The following OAF variants were observed in gnomAD, a reference collection of about 807,000 sequenced individuals.
OAF encodes the protein out at first protein homolog.
In OAF, 13 loss-of-function variants were observed where a neutral mutation model predicts 22.5. The observed-to-expected ratio is 0.58, with a 90% CI of 0.38 to 0.92. The LOEUF is 0.92. Ranked by LOEUF, OAF falls within the 40% of genes least tolerant of loss-of-function variation. OAF has a pLI of 0.00. For synonymous variants in OAF, 175 were observed against 170.5 expected (o/e 1.03, Z -0.21); for missense variants, 347 against 381.8 (o/e 0.91, Z 0.76).
At position 120,224,583 on chromosome 11, in the gene OAF, G is replaced by A. The variant is rs114567578; in HGVS notation, c.232-1078G>A. On this transcript the variant is annotated intron_variant, in intron 1 of 3. Coordinates refer to ENST00000328965, the MANE Select transcript of OAF (RefSeq NM_178507.4). ...GTTGCTGAGACACTTCTGTTCTCGC[G>A]GGTGTACAGCAAGTACTCAGTGACT... is the stretch of plus-strand genomic sequence containing the variant. Among the ~76,000 whole-genome samples the A allele has an allele frequency of 3.5e-3, 529 of 152,300 alleles. 2 individuals carry two copies. The highest frequency in any genetic ancestry group is 0.012 in the African/African-American group (508 of 41,558).
At chr11:120,219,410 A>G in intron 1 of OAF, among the ~76,000 whole-genome samples, 1 of 152,178 alleles carries the variant, frequency 6.6e-6, no homozygotes, top group Non-Finnish European at 1.5e-5. Flanking sequence ...AGGCCGTGGC[A>G]AAACAGCCTG....
rs749433430 is a variant in OAF at position 120,226,882 on chromosome 11, G to T, written c.433G>T (p.Ala145Ser). ...TCTGGAGCATCTGCACATGGATGTCGCTGTCAACTTCAGCCAGGGGGCCCT... is the reference window on the plus strand; with the variant it reads ...TCTGGAGCATCTGCACATGGATGTCTCTGTCAACTTCAGCCAGGGGGCCCT... ...RGLEHLHMDV[A>S]VNFSQGALLS... is the part of the protein sequence containing the mutation. The change falls in exon 3 of 4, where the codon GCT becomes TCT. Residue 145 changes from alanine (A) to serine (S), a missense_variant. Physicochemically the swap from Ala to Ser is moderately conservative, Grantham distance 99 (BLOSUM62 1). Transcript: ENST00000328965. 8.7e-6 allele frequency: 14 copies of T among 1,612,390 alleles called. No individual in the cohort carries two copies. The African/African-American group carries it at 9.3e-5, about 11-fold the overall frequency.
At position 120,217,706 on chromosome 11, in the gene OAF, G is replaced by A. The variant is rs532566321; in HGVS notation, c.231+6196G>A. Among the ~76,000 whole-genome samples the A allele has an allele frequency of 4.6e-5, 7 of 152,320 alleles. No individual in the cohort carries two copies. The East Asian group carries it at 7.7e-4, about 17-fold the overall frequency. ...CTCTCTGAGCCCCAGGCTCCTTGCC[G>A]GTACACCAGAGACAACAGTGTGATG... On this transcript the variant is annotated intron_variant, in intron 1 of 3. Transcript: ENST00000328965.
chr11:120,211,488 C>G lies in OAF; in HGVS notation c.209C>G (p.Ser70Cys). 1 of 1,481,014 alleles carries G rather than the reference C, an allele frequency of 6.8e-7. No homozygotes were observed. Among genetic ancestry groups the G allele is most frequent in the Admixed American group, 2.3e-5 (1 of 43,454 alleles). The allele number at this position is 1,481,014 out of a possible 1,614,324, so 91.7% of individuals were successfully genotyped here. A position where few individuals can be genotyped will look rare whatever the true frequency, so the allele number is the denominator to read the frequency against. ...ELRKPDGTLV[S>C]FTADFKKDVK... is the part of the protein sequence containing the mutation. ...CGCAAGCCCGACGGCACCCTCGTCT[C>G]CTTCACCGCCGACTTCAAGAAGGTG... is the stretch of plus-strand genomic sequence containing the variant. The change falls in exon 1 of 4, where the codon TCC (serine) becomes TGC (cysteine). Residue 70 changes from serine (S) to cysteine (C), a missense_variant. Coordinates refer to ENST00000328965, the MANE Select transcript of OAF (RefSeq NM_178507.4).
chr11:120,226,675 A>T lies in OAF; in HGVS notation c.367-141A>T, dbSNP rs1938360497. On this transcript the variant is annotated intron_variant, in intron 2 of 3. Transcript: ENST00000328965. ...GCATCAGCTTCACTGCCAGTTGGAG[A>T]GGGGTGGGGCTGCCACCCTGCAGAT... 5 of 658,206 alleles carry T rather than the reference A, an allele frequency of 7.6e-6. No homozygotes were observed. In the South Asian group the frequency reaches 8.5e-5, roughly 11 times the overall value. The allele number at this position is 658,206 out of a possible 1,614,324, so 40.8% of individuals were successfully genotyped here. A position where few individuals can be genotyped will look rare whatever the true frequency, so the allele number is the denominator to read the frequency against.
chr11:120,228,821 T>TC (rs1938395131), intron 3 of OAF, 47 bp from the exon 4 acceptor site: 20 of 520,278 alleles, frequency 3.8e-5, no homozygotes, highest in Non-Finnish European at 6.1e-5. Context: ...GGGAGCTCCT[T>TC]CCCTCCCTCC....
rs2135086511 is a variant in OAF, at chr11:120,211,150, C to T, written c.-130C>T. 2 of 365,252 alleles carry T rather than the reference C, an allele frequency of 5.5e-6. No homozygotes were observed. Among genetic ancestry groups the T allele is most frequent in the East Asian group, 6.4e-5 (1 of 15,666 alleles). 22.6% of individuals were successfully genotyped at this position (365,252 alleles called of 1,614,324 possible). A position where few individuals can be genotyped will look rare whatever the true frequency, so the allele number is the denominator to read the frequency against. ...CCGCGCCACCTCGCGGGCGACCCCG[C>T]GGCCAAGGCCCCCGGCGGAGCGGCT... On this transcript the variant is annotated 5_prime_UTR_variant, in exon 1 of 4. Coordinates refer to ENST00000328965, the MANE Select transcript of OAF (RefSeq NM_178507.4).
chr11:120,225,309 G>A (rs988084848), intron 1 of OAF, among the ~76,000 whole-genome samples: 1 of 152,060 alleles, frequency 6.6e-6, no homozygotes, highest in African/African-American at 2.4e-5. Context: ...AATCGGTACT[G>A]GAAAAGTCCA....
At chr11:120,224,359 G>A (rs751365355) in intron 1 of OAF, among the ~76,000 whole-genome samples, 5 of 152,166 alleles carry the variant, frequency 3.3e-5, no homozygotes, top group East Asian at 1.9e-4. Context: ...CCCAGCTAGC[G>A]CTGACCCCAT....
At chr11:120,218,321 CGTGGCCTGGCTCTGG>C (rs1465374997) in intron 1 of OAF, among the ~76,000 whole-genome samples, 1 of 152,166 alleles carries the variant, frequency 6.6e-6, no homozygotes, top group Non-Finnish European at 1.5e-5. Flanking sequence ...TCGGGATGTG[CGTGGCCTGGCTCTGG>C]GTGGAATCCA....
chr11:120,216,088 G>A (rs1938208138), intron 1 of OAF, among the ~76,000 whole-genome samples: 1 of 152,164 alleles, frequency 6.6e-6, no homozygotes, highest in Non-Finnish European at 1.5e-5. Context: ...GACCCATGGA[G>A]GATGGAAGCT....
chr11:120,214,017 G>A (rs1033719893), intron 1 of OAF: 1 of 152,224 alleles, frequency 6.6e-6, no homozygotes, highest in Non-Finnish European at 1.5e-5. Context: ...GCTGCACTGA[G>A]CTGCAATTGT....
At chr11:120,218,307 G>A (rs150353128) in intron 1 of OAF, among the ~76,000 whole-genome samples, 141 of 152,318 alleles carry the variant, frequency 9.3e-4, no homozygotes, top group Middle Eastern at 3.4e-3. Flanking sequence ...CCTGGGCACT[G>A]GCCTCGGGAT....
intron 1 of OAF, among the ~76,000 whole-genome samples, chr11:120,219,974 G>C (rs1938259690): frequency 6.6e-6 from 1 of 152,204 alleles, no homozygotes; most frequent in African/African-American, 2.4e-5. Context: ...CGTTCCTCCA[G>C]CTACTAAGCA....
intron 1 of OAF, among the ~76,000 whole-genome samples, chr11:120,212,159 T>C (rs914268806): frequency 6.7e-6 from 1 of 148,248 alleles, no homozygotes; most frequent in Non-Finnish European, 1.5e-5. Context: ...CTGGGAGAAG[T>C]GCTGCCCTTC....
chr11:120,220,905 C>T (rs989265545), intron 1 of OAF, among the ~76,000 whole-genome samples: 6 of 152,248 alleles, frequency 3.9e-5, no homozygotes, highest in East Asian at 1.9e-4. Flanking sequence ...TTCGGCCACT[C>T]GGGTGATAGT....
intron 1 of OAF, among the ~76,000 whole-genome samples, chr11:120,224,771 C>T (rs184048613): frequency 1.3e-5 from 2 of 152,328 alleles, no homozygotes; most frequent in Middle Eastern, 3.4e-3. Context: ...CCACTTCTGA[C>T]TGGGACCCAC....
At chr11:120,218,950 G>A (rs774026646) in intron 1 of OAF, among the ~76,000 whole-genome samples, 5 of 152,152 alleles carry the variant, frequency 3.3e-5, no homozygotes, top group Admixed American at 6.5e-5. Flanking sequence ...GATGACATGC[G>A]GTAAGAGTGT....
In OAF at chr11:120,211,337, C is replaced by T. The variant is rs950503738; in HGVS notation, c.58C>T (p.Leu20Phe). Reference protein sequence around the residue: ...RPALLLLLPLLAPLLGTGAPA... With the variant: ...RPALLLLLPLFAPLLGTGAPA... ...TGCGCTGCTGCTGCTGCTGCCGCTG[C>T]TCGCGCCGCTGCTGGGAACGGGTGC... The change falls in exon 1 of 4, where the codon CTC becomes TTC. Residue 20 changes from leucine (L) to phenylalanine (F), a missense_variant. By Grantham distance (22) the Leu-to-Phe change is conservative. Transcript: ENST00000328965. The T allele has an allele frequency of 1.1e-4, 153 of 1,408,868 alleles. No homozygotes were observed. In the African/African-American group the frequency reaches 1.9e-3, roughly 17 times the overall value. 87.3% of individuals were successfully genotyped at this position (1,408,868 alleles called of 1,614,324 possible). A position where few individuals can be genotyped will look rare whatever the true frequency, so the allele number is the denominator to read the frequency against.
Sources: allele counts gnomAD v4.1 joint callset (sites outside exome capture counted in the v4.1 genomes callset), GRCh38; gene constraint gnomAD v4.1.1; transcripts MANE v1.5; gene names NCBI Gene and HGNC (gene_info 2026-07-23, HGNC 2026-07-21).